The following GRM4 variants were observed in gnomAD, a reference collection of about 807,000 sequenced individuals.
GRM4 encodes metabotropic glutamate receptor 4.
In GRM4, 28 loss-of-function variants were observed where a neutral mutation model predicts 81.7. The ratio of observed to expected loss-of-function variants is 0.34; its 90% CI spans 0.25 to 0.47. The LOEUF (loss-of-function observed/expected upper bound fraction) is 0.47, where lower values mean the gene tolerates loss of function less well. GRM4 is among the 20% of genes least tolerant of loss of function. The probability of loss-of-function intolerance (pLI) is 1.00; values close to 1 mark genes in which losing one functional copy is unlikely to be tolerated. For missense variants in GRM4, 948 were observed against 1,290.0 expected (o/e 0.73, Z 4.06); for synonymous variants, 488 against 528.8 (o/e 0.92, Z 1.06).
At chr6:34,030,910 T>G (rs985401384) in intron 9 of GRM4, among the ~76,000 whole-genome samples, 6 of 152,288 alleles carry the variant, frequency 3.9e-5, no homozygotes, top group African/African-American at 1.2e-4. Context: ...CATCCCCAGC[T>G]GGGAGGTAGG....
At chr6:34,108,727 G>A (rs1769239949) in intron 2 of GRM4, among the ~76,000 whole-genome samples, 1 of 152,168 alleles carries the variant, frequency 6.6e-6, no homozygotes, top group Non-Finnish European at 1.5e-5. Flanking sequence ...CAGTGTGCCA[G>A]GTGCTGGGAG....
chr6:34,088,507 C>T lies in GRM4; in HGVS notation c.736+3376G>A, dbSNP rs76385101. ...AAAGACGAAATGATTTTCCCAAGACCGCACAGCCAATCAGCATCCGAGACA... is the reference window on the plus strand; with the variant it reads ...AAAGACGAAATGATTTTCCCAAGACTGCACAGCCAATCAGCATCCGAGACA... On this transcript the variant is annotated intron_variant, in intron 3 of 10. Coordinates refer to ENST00000538487, the MANE Select transcript of GRM4 (RefSeq NM_000841.4). Among the ~76,000 whole-genome samples, 618 of 152,274 alleles carry T rather than the reference C, an allele frequency of 4.1e-3. 3 individuals are homozygous for T. The highest frequency in any genetic ancestry group is 0.014 in the African/African-American group (580 of 41,548).
Position 34,040,256 on chromosome 6 carries a change from G to A in GRM4, c.1428C>T (p.Asp476=). The A allele has an allele frequency of 6.2e-7, 1 of 1,614,094 alleles. No individual in the cohort carries two copies. The highest frequency in any genetic ancestry group is 8.5e-7 in the Non-Finnish European group (1 of 1,179,890). The stretch of plus-strand genomic sequence containing the variant: ...CGTTGCGCAGCTGGTATTGGTAGAT[G>A]TCATAGCGCCCAGGCGCATCTCCAT... ...NENGDAPGRY[D]IYQYQLRNDS... Residue 476 remains aspartate, a synonymous_variant, in exon 8 of 11, where the codon GAC becomes GAT. Coordinates refer to ENST00000538487, the MANE Select transcript of GRM4 (RefSeq NM_000841.4).
intron 6 of GRM4, among the ~76,000 whole-genome samples, chr6:34,041,637 G>A (rs1295366502): frequency 6.6e-6 from 1 of 152,182 alleles, no homozygotes; most frequent in East Asian, 1.9e-4. Context: ...ATGAGATAAG[G>A]TACCGAAAAC....
rs1766331054 is a variant in GRM4, at chr6:34,064,186, C to T, written c.737-2158G>A. 6.6e-6 allele frequency among the ~76,000 whole-genome samples: 1 copy of T among 152,034 alleles called. No individual in the cohort carries two copies. Among genetic ancestry groups the T allele is most frequent in the African/African-American group, 2.4e-5 (1 of 41,388 alleles). On this transcript the variant is annotated intron_variant, in intron 3 of 10. Transcript: ENST00000538487. This position sits in a 1 kb window ranked among gnomAD's most constrained non-coding sequence, Gnocchi z 4.4. Reference sequence around the variant, plus strand: ...GATATTCTTGCAACTGCAAGAGATTCAGACCAGAAGGGAGTGCGGGGGGCG... The same window carrying T: ...GATATTCTTGCAACTGCAAGAGATTTAGACCAGAAGGGAGTGCGGGGGGCG...
At chr6:34,141,286 A>G (rs996006402) in intron 1 of GRM4, among the ~76,000 whole-genome samples, 8 of 152,104 alleles carry the variant, frequency 5.3e-5, no homozygotes, top group Non-Finnish European at 1.0e-4. Context: ...ATCACCACCA[A>G]TGGGCGACCA....
intron 10 of GRM4, among the ~76,000 whole-genome samples, chr6:34,023,983 G>A (rs1409905140): frequency 6.6e-6 from 1 of 152,214 alleles, no homozygotes; most frequent in Non-Finnish European, 1.5e-5. Context: ...CAGTGGGTGG[G>A]AGAAACCAGC....
Position 34,115,831 on chromosome 6 carries a change from C to T in GRM4, c.519+17147G>A, listed in dbSNP as rs570221405. 6.6e-6 allele frequency among the ~76,000 whole-genome samples: 1 copy of T among 152,312 alleles called. No individual in the cohort carries two copies. Among genetic ancestry groups the T allele is most frequent in the East Asian group, 1.9e-4 (1 of 5,186 alleles). On this transcript the variant is annotated intron_variant, in intron 2 of 10. Transcript: ENST00000538487. This position sits in a 1 kb window ranked among gnomAD's most constrained non-coding sequence, Gnocchi z 4.1. ...CCTCCCTGGGCTCCATTTGTTATCA[C>T]TCAGAGAATGCAAATGACAGTGGCC...
At chr6:34,147,189 C>A (rs1770954564), upstream of GRM4, among the ~76,000 whole-genome samples, 1 of 152,178 alleles carries the variant, frequency 6.6e-6, no homozygotes, top group African/African-American at 2.4e-5. Context: ...CCAGATTGTT[C>A]ATTCATTCAT....
intron 9 of GRM4, among the ~76,000 whole-genome samples, chr6:34,029,804 G>A (rs1452995089): frequency 6.6e-6 from 1 of 152,242 alleles, no homozygotes; most frequent in Non-Finnish European, 1.5e-5. Flanking sequence ...TGACCGGACA[G>A]CCATGATGTG....
At chr6:34,045,814 T>C (rs1289968750) in intron 6 of GRM4, among the ~76,000 whole-genome samples, 1 of 151,924 alleles carries the variant, frequency 6.6e-6, no homozygotes, top group East Asian at 1.9e-4. Flanking sequence ...AGAGCTGTTG[T>C]AGGAGACAAA....
At chr6:34,095,965 C>T (rs1768497476) in intron 2 of GRM4, among the ~76,000 whole-genome samples, 3 of 152,190 alleles carry the variant, frequency 2.0e-5, no homozygotes, top group African/African-American at 2.4e-5. Flanking sequence ...CAGCCCAGCC[C>T]GAGCAGGAGG....
At chr6:34,145,017 G>A (rs987208515) in intron 1 of GRM4, among the ~76,000 whole-genome samples, 1 of 152,020 alleles carries the variant, frequency 6.6e-6, no homozygotes, top group African/African-American at 2.4e-5. Flanking sequence ...CGATGTCCCC[G>A]CCGCAGCCCT....
chr6:34,050,820 A>G (rs994422978), intron 6 of GRM4, among the ~76,000 whole-genome samples: 8 of 152,252 alleles, frequency 5.3e-5, no homozygotes, highest in Admixed American at 5.2e-4. Flanking sequence ...ACCATCCACT[A>G]TACCTTGTCT....
At chr6:34,103,509 A>G (rs1387687406) in intron 2 of GRM4, 10 of 1,227,544 alleles carry the variant, frequency 8.1e-6, no homozygotes, top group Admixed American at 2.0e-5. Flanking sequence ...GGCGAGGGAG[A>G]GCAAACGCGA....
Position 34,133,855 on chromosome 6 carries a change from C to T in GRM4, c.-359G>A, listed in dbSNP as rs775026309. ...AAACAGCTCCAATCCTCTCCTCCTA[C>T]CAACCTTAGAAGGGGAAGAGAGAGA... On this transcript the variant is annotated 5_prime_UTR_variant, in exon 2 of 11. The change creates a premature stop within an existing upstream ORF in the 5' untranslated region. Coordinates refer to ENST00000538487, the MANE Select transcript of GRM4 (RefSeq NM_000841.4). The surrounding 1 kb of genome is among the most constrained non-coding windows in gnomAD (Gnocchi z 6.5). 1.1e-4 allele frequency: 118 copies of T among 1,066,614 alleles called. No individual in the cohort carries two copies. Among genetic ancestry groups the T allele is most frequent in the Non-Finnish European group, 1.3e-4 (112 of 882,692 alleles). 66.1% of individuals were successfully genotyped at this position (1,066,614 alleles called of 1,614,324 possible).
chr6:34,057,791 C>A (rs1765983162), intron 5 of GRM4, among the ~76,000 whole-genome samples: 1 of 152,210 alleles, frequency 6.6e-6, no homozygotes, highest in Non-Finnish European at 1.5e-5. Flanking sequence ...GCTCTCTGAG[C>A]CCTGTGTATC....
intron 5 of GRM4, among the ~76,000 whole-genome samples, chr6:34,057,975 G>A (rs1032744129): frequency 3.9e-5 from 6 of 152,200 alleles, no homozygotes; most frequent in African/African-American, 1.2e-4. Flanking sequence ...GTGGGTGGAG[G>A]CGTGTTGAAT....
At chr6:34,124,796 A>T (rs1411442601) in intron 2 of GRM4, among the ~76,000 whole-genome samples, 2 of 152,122 alleles carry the variant, frequency 1.3e-5, no homozygotes, top group Non-Finnish European at 2.9e-5. Flanking sequence ...TGAGTTCCAG[A>T]TGGGAGACAG....
Sources: gnomAD v4.1 joint callset for allele counts (sites outside exome capture counted in the v4.1 genomes callset) on GRCh38, gnomAD v4.1.1 for gene constraint, Gnocchi (gnomAD v3.1) non-coding constraint, MANE v1.5 for transcripts, NCBI Gene and HGNC (gene_info 2026-07-23, HGNC 2026-07-21) for gene names.